ICE2: variants seen among roughly 807,000 people sequenced by gnomAD.
ICE2 encodes interactor of little elongation complex ELL subunit 2.
A neutral mutation model predicts 105.4 loss-of-function variants in ICE2; 87 were observed. The ratio of observed to expected loss-of-function variants is 0.83; its 90% CI spans 0.69 to 0.99. ICE2 has a LOEUF of 0.99. Ranked by LOEUF, ICE2 falls within the 50% of genes least tolerant of loss-of-function variation. ICE2 has a pLI of 0.00. For synonymous variants in ICE2, 399 were observed against 392.0 expected (o/e 1.02, Z -0.21); for missense variants, 1,323 against 1,146.7 (o/e 1.15, Z -2.22).
At chr15:60,467,647 C>G (rs1173730666) in intron 4 of ICE2, among the ~76,000 whole-genome samples, 1 of 152,130 alleles carries the variant, frequency 6.6e-6, no homozygotes, top group Non-Finnish European at 1.5e-5. Flanking sequence ...GCTTTGAAAA[C>G]ATGCATAGGT....
rs994778729 is a variant in ICE2 at position 60,462,612 on chromosome 15, T to G, written c.528+3982A>C. ...CAACATACATAGCCCATAAAGTTTT[T>G]GTATTTGGAATATACAAAGAAATCT... On this transcript the variant is annotated intron_variant, in intron 5 of 15. Coordinates refer to ENST00000261520, the MANE Select transcript of ICE2 (RefSeq NM_024611.6). 9.2e-5 allele frequency among the ~76,000 whole-genome samples: 14 copies of G among 152,320 alleles called. 1 individual carries two copies. The highest frequency in any genetic ancestry group is 7.8e-4 in the Admixed American group (12 of 15,308).
chr15:60,438,289 A>G (rs1300655591), intron 12 of ICE2: 1 of 152,226 alleles, frequency 6.6e-6, no homozygotes, highest in Non-Finnish European at 1.5e-5. Context: ...AGGTATCAAA[A>G]CAAATTACCT....
At chr15:60,432,080 C>CAACAAAA (rs1243551405) in intron 13 of ICE2, 96 bp from the exon 14 acceptor site, 2 of 570,412 alleles carry the variant, frequency 3.5e-6, no homozygotes, top group Non-Finnish European at 6.3e-6. Context: ...TCAATAACAA[C>CAACAAAA]AACAAAAACA....
intron 13 of ICE2, among the ~76,000 whole-genome samples, chr15:60,435,896 C>T (rs1052445880): frequency 6.6e-6 from 1 of 151,864 alleles, no homozygotes; most frequent in African/African-American, 2.4e-5. Flanking sequence ...TCCCTTGAAC[C>T]GGGGAGGCAG....
At chr15:60,469,661 T>C (rs886360863) in intron 3 of ICE2, among the ~76,000 whole-genome samples, 24 of 152,136 alleles carry the variant, frequency 1.6e-4, no homozygotes, top group African/African-American at 5.8e-4. Context: ...TAATCCTAAT[T>C]TTTTACTTTA....
At chr15:60,430,191 C>G (rs2063425544) in intron 14 of ICE2, among the ~76,000 whole-genome samples, 1 of 152,104 alleles carries the variant, frequency 6.6e-6, no homozygotes, top group African/African-American at 2.4e-5. Flanking sequence ...GCAGAAGAGA[C>G]TCAAAGGGAG....
At chr15:60,439,970 C>T (rs998696501) in intron 12 of ICE2, 1 of 152,212 alleles carries the variant, frequency 6.6e-6, no homozygotes, top group African/African-American at 2.4e-5. Flanking sequence ...CTGGCAGTAT[C>T]ACCTTTTGTT....
intron 5 of ICE2, among the ~76,000 whole-genome samples, chr15:60,457,130 T>A (rs2064148825): frequency 6.6e-6 from 1 of 152,130 alleles, no homozygotes; most frequent in African/African-American, 2.4e-5. Flanking sequence ...AATTAGAAAT[T>A]AAGTAGTATA....
At chr15:60,430,896 AG>A (rs1225901179) in intron 14 of ICE2, among the ~76,000 whole-genome samples, 1 of 151,904 alleles carries the variant, frequency 6.6e-6, no homozygotes, top group Non-Finnish European at 1.5e-5. Flanking sequence ...TTTTTTCTAG[AG>A]GAAGTCTCAC....
At chr15:60,463,819 G>T (rs1468585792) in intron 5 of ICE2, among the ~76,000 whole-genome samples, 2 of 151,906 alleles carry the variant, frequency 1.3e-5, no homozygotes, top group Non-Finnish European at 2.9e-5. Context: ...AAGAGAAGTA[G>T]AACTACCACC....
intron 5 of ICE2, among the ~76,000 whole-genome samples, chr15:60,464,811 G>C (rs891826215): frequency 4.6e-5 from 7 of 152,156 alleles, no homozygotes; most frequent in Admixed American, 2.6e-4. Context: ...GAGGTCAGGA[G>C]TTTGAGACCA....
chr15:60,436,500 C>G (rs1262258537), intron 12 of ICE2, among the ~76,000 whole-genome samples: 1 of 151,596 alleles, frequency 6.6e-6, no homozygotes, highest in Non-Finnish European at 1.5e-5. Context: ...ATTTCAAAGC[C>G]TACAATTTAT....
At chr15:60,476,208 A>T in intron 2 of ICE2, 41 bp from the exon 3 acceptor site, 9 of 1,290,188 alleles carry the variant, frequency 7.0e-6, no homozygotes, top group Non-Finnish European at 8.9e-6. Context: ...ACAATTCAAA[A>T]TCTCATGCTA....
In ICE2 at chr15:60,449,492, CAT is replaced by C. The variant is rs774705853; in HGVS notation, c.1473_1474del (p.Cys492Ter). On this transcript the variant is annotated frameshift_variant, in exon 10 of 16. Transcript: ENST00000261520. LOFTEE classifies it high-confidence loss of function. Reference sequence around the variant, plus strand: ...CTTGTCAGAATTTGATACCTTTTCACATGATTCAAATCCCTGATCATCTTTAT... The same window carrying C: ...CTTGTCAGAATTTGATACCTTTTCACGATTCAAATCCCTGATCATCTTTAT... 9 of 1,613,982 alleles carry C rather than the reference CAT, an allele frequency of 5.6e-6. No individual in the cohort carries two copies. The highest frequency in any genetic ancestry group is 1.3e-5 in the African/African-American group (1 of 74,936).
intron 9 of ICE2, chr15:60,451,979 A>T: frequency 1.8e-6 from 1 of 548,816 alleles, no homozygotes; most frequent in Non-Finnish European, 2.3e-6. Flanking sequence ...AAGACATTTT[A>T]ATATTTGTCC....
At chr15:60,473,067 C>A (rs933477436) in intron 3 of ICE2, among the ~76,000 whole-genome samples, 3 of 151,772 alleles carry the variant, frequency 2.0e-5, no homozygotes, top group Non-Finnish European at 4.4e-5. Context: ...CCTCAGTTTC[C>A]CAAGCAGCTG....
At chr15:60,467,534 T>G (rs1300409038) in intron 4 of ICE2, among the ~76,000 whole-genome samples, 1 of 152,202 alleles carries the variant, frequency 6.6e-6, no homozygotes. Flanking sequence ...CCTGTAGGAT[T>G]AGAGAAGATA....
chr15:60,469,886 C>G (rs116385613), intron 3 of ICE2, among the ~76,000 whole-genome samples: 1,584 of 152,288 alleles, frequency 0.01, 29 homozygotes, highest in African/African-American at 0.037. Context: ...CATAATCCAT[C>G]TCTATTTTTG....
At chr15:60,460,552 T>C (rs1228603534) in intron 5 of ICE2, among the ~76,000 whole-genome samples, 2 of 152,140 alleles carry the variant, frequency 1.3e-5, no homozygotes, top group Non-Finnish European at 2.9e-5. Flanking sequence ...AGGGAAAAAA[T>C]ACCCTTCTCA....
Sources: allele counts gnomAD v4.1 joint callset (sites outside exome capture counted in the v4.1 genomes callset), GRCh38; gene constraint gnomAD v4.1.1; transcripts MANE v1.5; gene names NCBI Gene and HGNC (gene_info 2026-07-23, HGNC 2026-07-21).